The following HMCN2 variants were observed in gnomAD, a reference collection of about 807,000 sequenced individuals.
The protein encoded by HMCN2 is hemicentin 2, also known as hemicentin-2.
Under a neutral mutation model 377.5 loss-of-function variants are expected in HMCN2, and 325 were observed. The observed-to-expected ratio is 0.86, with a 90% CI of 0.79 to 0.94. HMCN2 has a LOEUF of 0.94. HMCN2 is among the 40% of genes least tolerant of loss of function. HMCN2 has a pLI of 0.00. For synonymous variants in HMCN2, 2,007 were observed against 2,046.8 expected (o/e 0.98, Z 0.53); for missense variants, 4,543 against 4,725.3 (o/e 0.96, Z 1.13).
In HMCN2 at chr9:130,296,684, G is replaced by T; in HGVS notation, c.902G>T (p.Ser301Ile). The T allele has an allele frequency of 2.1e-6, 1 of 471,136 alleles. No homozygotes were observed. The allele number at this position is 471,136 out of a possible 1,614,324, so 29.2% of individuals were successfully genotyped here. Reference protein sequence around the residue: ...PGLWSIKVYSSGRHSVRITGV... With the variant: ...PGLWSIKVYSIGRHSVRITGV... ...CTGGGCCTGCGCTAGGTCTATAGCA[G>T]TGGCCGCCATTCAGTGAGGATCACA... is the stretch of plus-strand genomic sequence containing the variant. The change falls in exon 7 of 98, where the codon AGT becomes ATT. Residue 301 changes from serine (S) to isoleucine (I), a missense_variant. By Grantham distance (142) the Ser-to-Ile change is moderately radical. Transcript: ENST00000683500.
chr9:130,402,047 A>G (rs936941238), intron 77 of HMCN2, among the ~76,000 whole-genome samples: 11 of 152,250 alleles, frequency 7.2e-5, no homozygotes, highest in South Asian at 2.1e-4. Flanking sequence ...ACTGTACTCC[A>G]GCCTGGGCAA....
At position 130,360,372 on chromosome 9, in the gene HMCN2, C is replaced by T. The variant is rs1840308170; in HGVS notation, c.5774-56C>T. 2.8e-6 allele frequency: 3 copies of T among 1,057,362 alleles called. No individual in the cohort carries two copies. In the South Asian group the frequency reaches 5.4e-5, roughly 19 times the overall value. The allele number at this position is 1,057,362 out of a possible 1,614,324, so 65.5% of individuals were successfully genotyped here. On this transcript the variant is annotated intron_variant, in intron 37 of 97. Coordinates refer to ENST00000683500, the MANE Select transcript of HMCN2 (RefSeq NM_001291815.2). The surrounding 1 kb of genome is among the most constrained non-coding windows in gnomAD (Gnocchi z 4.7). Reference sequence around the variant, plus strand: ...TCCTTTCCCCCTTACTTCTCTCTTCCATTCCCCCTTGCTTCTCTCTTCCTT... The same window carrying T: ...TCCTTTCCCCCTTACTTCTCTCTTCTATTCCCCCTTGCTTCTCTCTTCCTT...
chr9:130,299,896 C>G (rs1836401318), intron 8 of HMCN2, among the ~76,000 whole-genome samples: 2 of 151,766 alleles, frequency 1.3e-5, no homozygotes, highest in Admixed American at 6.6e-5. Context: ...TCCATCTACC[C>G]ACCCATTCAT....
chr9:130,376,754 C>G (rs1348548697), intron 52 of HMCN2, 96 bp downstream of exon 52: 1 of 744,812 alleles, frequency 1.3e-6, no homozygotes, highest in Non-Finnish European at 1.6e-6. Flanking sequence ...CTTAAAGCAC[C>G]TAGCCCTAGA....
Position 130,335,316 on chromosome 9 carries a change from C to T in HMCN2, c.3360-2578C>T, listed in dbSNP as rs989044083. On this transcript the variant is annotated intron_variant, in intron 22 of 97. Transcript: ENST00000683500. Reference sequence around the variant, plus strand: ...GATTTGGCCGTTGATTGGTGGGTGTCGACATGTCAACATATTTAATTTTTT... The same window carrying T: ...GATTTGGCCGTTGATTGGTGGGTGTTGACATGTCAACATATTTAATTTTTT... 3.6e-3 allele frequency among the ~76,000 whole-genome samples: 553 copies of T among 152,040 alleles called. 9 individuals are homozygous for T. The highest frequency in any genetic ancestry group is 0.012 in the African/African-American group (508 of 41,476).
intron 21 of HMCN2, among the ~76,000 whole-genome samples, chr9:130,326,804 G>A (rs1158318043): frequency 1.9e-4 from 29 of 152,266 alleles, no homozygotes; most frequent in African/African-American, 6.7e-4. Context: ...TTCTGCCGAC[G>A]AAGGGTCTTC....
intron 1 of HMCN2, among the ~76,000 whole-genome samples, chr9:130,273,097 A>G (rs1834490576): frequency 1.3e-5 from 2 of 151,824 alleles, no homozygotes; most frequent in Non-Finnish European, 2.9e-5. Context: ...GTAAAGATTC[A>G]TAGTTTTTCT....
At chr9:130,430,047 G>A in intron 94 of HMCN2, 2 of 603,686 alleles carry the variant, frequency 3.3e-6, no homozygotes, top group Non-Finnish European at 5.8e-6. Flanking sequence ...AGGGGGAGCT[G>A]GAGTCTGGGA....
At chr9:130,331,782 C>T (rs1009815534) in intron 22 of HMCN2, among the ~76,000 whole-genome samples, 13 of 152,286 alleles carry the variant, frequency 8.5e-5, no homozygotes, top group East Asian at 7.7e-4. Flanking sequence ...GGAGATGGGA[C>T]GGCTGTGAGC....
At chr9:130,406,252 T>C (rs1843088343) in intron 82 of HMCN2, 84 bp downstream of exon 82, 2 of 1,136,644 alleles carry the variant, frequency 1.8e-6, no homozygotes, top group Non-Finnish European at 2.3e-6. Flanking sequence ...AGACCCAACC[T>C]AGTGGAAAGG....
rs147823832 is a variant in HMCN2 at position 130,370,893 on chromosome 9, G to A, written c.7070-71G>A. On this transcript the variant is annotated intron_variant, in intron 45 of 97. Coordinates refer to ENST00000683500, the MANE Select transcript of HMCN2 (RefSeq NM_001291815.2). ...GGGTGGAGTTGGGGGGCAGTCAGTG[G>A]GGCTGGGGAAGGAGCATGAAGCACA... is the stretch of plus-strand genomic sequence containing the variant. 1.7e-5 allele frequency: 16 copies of A among 935,860 alleles called. No individual in the cohort carries two copies. The African/African-American group carries it at 2.5e-4, about 15-fold the overall frequency. 58.0% of individuals were successfully genotyped at this position (935,860 alleles called of 1,614,324 possible).
intron 56 of HMCN2, 104 bp from the exon 57 acceptor site, chr9:130,383,400 C>A: frequency 4.9e-6 from 2 of 405,430 alleles, no homozygotes; most frequent in Non-Finnish European, 6.7e-6. Flanking sequence ...CTGGTGCCTG[C>A]TTCCCTGGCA....
rs149195887 is a variant in HMCN2 at position 130,275,070 on chromosome 9, A to T, written c.259+8933A>T. 1.3e-4 allele frequency among the ~76,000 whole-genome samples: 20 copies of T among 152,320 alleles called. No homozygotes were observed. In the East Asian group the frequency reaches 3.1e-3, roughly 23 times the overall value. ...ACTGCGCCATCTTGCGCCTGGACCC[A>T]CGGAAGATGAGACTGTGTTTCCCCA... is the stretch of plus-strand genomic sequence containing the variant. On this transcript the variant is annotated intron_variant, in intron 1 of 97. Transcript: ENST00000683500.
At chr9:130,378,896 C>G (rs1231765332) in intron 53 of HMCN2, among the ~76,000 whole-genome samples, 1 of 152,138 alleles carries the variant, frequency 6.6e-6, no homozygotes, top group Non-Finnish European at 1.5e-5. Flanking sequence ...GGCCCCCCTC[C>G]ATTTCTAAAG....
At chr9:130,410,421 T>A in intron 84 of HMCN2, 150 bp from the exon 85 acceptor site, 2 of 629,046 alleles carry the variant, frequency 3.2e-6, no homozygotes, top group Non-Finnish European at 5.7e-6. Flanking sequence ...ACAGAGGCCC[T>A]TCTGATGCTC....
rs746439152 is a variant in HMCN2, at chr9:130,431,447, G to T, written c.14728G>T (p.Ala4910Ser). ...GGGCAGCTACCAGTGCCTGTGCCCC[G>T]CCGGCTACCGTCTGCTCCCCAGCGG... ...TEGSYQCLCP[A>S]GYRLLPSGKN... Residue 4910 changes from alanine (A) to serine (S), a missense_variant, in exon 96 of 98, where the codon GCC (alanine) becomes TCC (serine). Transcript: ENST00000683500. The T allele has an allele frequency of 2.6e-6, 4 of 1,549,954 alleles. No individual in the cohort carries two copies. Among genetic ancestry groups the T allele is most frequent in the Non-Finnish European group, 3.5e-6 (4 of 1,146,850 alleles).
chr9:130,292,989 T>C (rs1399225825), intron 4 of HMCN2, among the ~76,000 whole-genome samples: 1 of 145,722 alleles, frequency 6.9e-6, no homozygotes, highest in South Asian at 2.2e-4. Context: ...TATCTATCTA[T>C]CTATCTATCT....
chr9:130,410,624 G>T lies in HMCN2; in HGVS notation c.12933G>T (p.Ala4311=). ...QCLAENEMGV[A]KKVVILVLQS... ...TGGCAGAGAATGAGATGGGCGTGGC[G>T]AAGAAAGTGGTGATCCTCGTCCTGC... Residue 4311 remains alanine (A), a synonymous_variant, in exon 85 of 98, where the codon GCG becomes GCT. Transcript: ENST00000683500. 2 of 1,550,624 alleles carry T rather than the reference G, an allele frequency of 1.3e-6. No homozygotes were observed. The highest frequency in any genetic ancestry group is 8.7e-7 in the Non-Finnish European group (1 of 1,147,008).
At chr9:130,433,105 G>T in intron 97 of HMCN2, 2 of 461,750 alleles carry the variant, frequency 4.3e-6, no homozygotes, top group Non-Finnish European at 7.5e-6. Context: ...CATGGATCCC[G>T]AAAGTCCGCT....
Sources: gnomAD v4.1 joint callset for allele counts (sites outside exome capture counted in the v4.1 genomes callset) on GRCh38, gnomAD v4.1.1 for gene constraint, Gnocchi (gnomAD v3.1) non-coding constraint, MANE v1.5 for transcripts, NCBI Gene and HGNC (gene_info 2026-07-23, HGNC 2026-07-21) for gene names.